Variants in FARS2 observed in about 807,000 individuals in gnomAD.
FARS2 encodes phenylalanyl-tRNA synthetase 2, mitochondrial, also known as phenylalanine--tRNA ligase, mitochondrial.
FARS2 carries 40 observed loss-of-function variants against 46.4 expected under a neutral mutation model. The observed-to-expected ratio is 0.86, with a 90% CI of 0.67 to 1.12. The LOEUF is 1.12. Among genes scored for constraint, FARS2 ranks in the 50% most tolerant of loss-of-function variants. The pLI is 0.00. For synonymous variants in FARS2, 234 were observed against 214.9 expected, an observed-to-expected ratio of 1.09 and a Z score of -0.78; for missense variants, 513 against 567.9, an observed-to-expected ratio of 0.90 and a Z score of 0.98.
intron 4 of FARS2, among the ~76,000 whole-genome samples, chr6:5,432,327 A>AATAT (rs71530360): frequency 8.9e-4 from 54 of 61,006 alleles, no homozygotes; most frequent in East Asian, 1.3e-3. Context: ...AAAAAAAAAA[A>AATAT]ATATATATAT....
chr6:5,512,875 A>C (rs376861177), intron 4 of FARS2, among the ~76,000 whole-genome samples: 3 of 152,374 alleles, frequency 2.0e-5, no homozygotes, highest in African/African-American at 7.2e-5. Flanking sequence ...TTATGGCAGA[A>C]GCACAGGTCT....
intron 1 of FARS2, among the ~76,000 whole-genome samples, chr6:5,273,351 A>G (rs1290078694): frequency 2.0e-5 from 3 of 152,136 alleles, no homozygotes; most frequent in African/African-American, 7.2e-5. Flanking sequence ...TTTTGATAAA[A>G]GCCATTTTAA....
intron 4 of FARS2, among the ~76,000 whole-genome samples, chr6:5,511,871 TGTTA>T (rs1768476793): frequency 6.6e-6 from 1 of 152,232 alleles, no homozygotes; most frequent in Admixed American, 6.5e-5. Context: ...TTCAGGAGTC[TGTTA>T]GAGGATACAA....
chr6:5,351,189 A>ATTAT lies in FARS2; in HGVS notation c.-21-17358_-21-17355dup, dbSNP rs1257741905. Among the ~76,000 whole-genome samples the ATTAT allele has an allele frequency of 2.0e-5, 3 of 152,190 alleles. No homozygotes were observed. The East Asian group carries it at 5.8e-4, about 29-fold the overall frequency. On this transcript the variant is annotated intron_variant, in intron 1 of 6. Coordinates refer to ENST00000274680, the MANE Select transcript of FARS2 (RefSeq NM_006567.5). ...AGCCTGTGAACTGGAGCATAGGGCC[A>ATTAT]TTATTTGTTCATCTTCAGATACCAG...
chr6:5,378,817 A>G (rs140991674), intron 2 of FARS2, among the ~76,000 whole-genome samples: 2 of 152,324 alleles, frequency 1.3e-5, no homozygotes, highest in East Asian at 1.9e-4. Context: ...CTCTGTTCAC[A>G]TGTTTACGTA....
rs974938098 is a variant in FARS2, at chr6:5,765,979, T to C, written c.1218-5312T>C. On this transcript the variant is annotated intron_variant, in intron 6 of 6. Transcript: ENST00000274680. The surrounding 1 kb of genome is among the most constrained non-coding windows in gnomAD (Gnocchi z 4.0). ...AAAATCTTTAAAAAAAATCAAACTCTATCCAGTGACCAACTCATTTTAGCC... is the reference window on the plus strand; with the variant it reads ...AAAATCTTTAAAAAAAATCAAACTCCATCCAGTGACCAACTCATTTTAGCC... Among the ~76,000 whole-genome samples the C allele has an allele frequency of 2.6e-5, 4 of 152,198 alleles. No individual in the cohort carries two copies. The highest frequency in any genetic ancestry group is 9.7e-5 in the African/African-American group (4 of 41,448).
At chr6:5,269,585 C>T (rs905757297) in intron 1 of FARS2, among the ~76,000 whole-genome samples, 4 of 151,692 alleles carry the variant, frequency 2.6e-5, no homozygotes, top group Non-Finnish European at 4.4e-5. Flanking sequence ...TTGACTTCTT[C>T]GAATGAGTGT....
At chr6:5,404,729 C>A in intron 3 of FARS2, 28 bp downstream of exon 3, 4 of 1,453,092 alleles carry the variant, frequency 2.8e-6, no homozygotes, top group Non-Finnish European at 2.8e-6. Flanking sequence ...GGTTGACGAT[C>A]TCTTATCTGA....
chr6:5,344,571 T>C (rs1428766172), intron 1 of FARS2, among the ~76,000 whole-genome samples: 1 of 152,150 alleles, frequency 6.6e-6, no homozygotes, highest in Non-Finnish European at 1.5e-5. Context: ...TTTGTGTGTA[T>C]GAAAGGACAC....
chr6:5,654,800 C>T (rs1777532933), intron 6 of FARS2, among the ~76,000 whole-genome samples: 1 of 152,134 alleles, frequency 6.6e-6, no homozygotes, highest in African/African-American at 2.4e-5. Flanking sequence ...TTTTCTTCCG[C>T]CTCTGCCACC....
In FARS2 at chr6:5,400,234, T is replaced by C. The variant is rs141433920; in HGVS notation, c.613-4308T>C. ...CTCTTTAAGTTTGAATTCCTTTTCA[T>C]GTGTTCAGGGGTCATTTTCATATCT... is the stretch of plus-strand genomic sequence containing the variant. On this transcript the variant is annotated intron_variant, in intron 2 of 6. Transcript: ENST00000274680. 5.5e-3 allele frequency among the ~76,000 whole-genome samples: 833 copies of C among 152,304 alleles called. 6 individuals are homozygous for C. The highest frequency in any genetic ancestry group is 0.019 in the African/African-American group (785 of 41,584).
intron 1 of FARS2, among the ~76,000 whole-genome samples, chr6:5,342,748 G>A (rs1771745906): frequency 6.7e-6 from 1 of 148,700 alleles, no homozygotes; most frequent in African/African-American, 2.5e-5. Flanking sequence ...GCGAGACTCT[G>A]TCTAAGAAAA....
At chr6:5,319,022 T>C (rs1769774031) in intron 1 of FARS2, among the ~76,000 whole-genome samples, 1 of 151,988 alleles carries the variant, frequency 6.6e-6, no homozygotes, top group Admixed American at 6.6e-5. Context: ...GGTTCTTCCT[T>C]ATGGTTGGGA....
At position 5,707,046 on chromosome 6, in the gene FARS2, T is replaced by TTG. The variant is rs199503286; in HGVS notation, c.1218-64244_1218-64243dup. Among the ~76,000 whole-genome samples, 389 of 152,346 alleles carry TTG rather than the reference T, an allele frequency of 2.6e-3. 7 individuals carry two copies. In the East Asian group the frequency reaches 0.045, roughly 18 times the overall value. On this transcript the variant is annotated intron_variant, in intron 6 of 6. Transcript: ENST00000274680. ...CGATCAGCACAGAACCTGTAAGCAC[T>TTG]TGCTTGCTCTCACTCACTTCTATTC...
At chr6:5,720,520 A>G (rs976420223) in intron 6 of FARS2, among the ~76,000 whole-genome samples, 3 of 152,244 alleles carry the variant, frequency 2.0e-5, no homozygotes, top group African/African-American at 7.2e-5. Flanking sequence ...TACAATATTC[A>G]TTCAGCATTT....
At chr6:5,705,549 C>T (rs552264760) in intron 6 of FARS2, among the ~76,000 whole-genome samples, 1 of 152,278 alleles carries the variant, frequency 6.6e-6, no homozygotes, top group South Asian at 2.1e-4. Context: ...CAGCCAGCCC[C>T]CTCGATGGCA....
At chr6:5,250,027 T>C in the FARS2 span, among the ~76,000 whole-genome samples, 4 of 152,134 alleles carry the variant, frequency 2.6e-5, no homozygotes, top group African/African-American at 9.7e-5. Context: ...TACAAAAGAG[T>C]ATTATCCTAC....
At chr6:5,322,240 A>G (rs1770030525) in intron 1 of FARS2, among the ~76,000 whole-genome samples, 1 of 152,248 alleles carries the variant, frequency 6.6e-6, no homozygotes, top group African/African-American at 2.4e-5. Flanking sequence ...TTGACTTAAT[A>G]TTAGGTAGCC....
chr6:5,260,202 G>A (rs568166060), upstream of FARS2, among the ~76,000 whole-genome samples: 13 of 152,168 alleles, frequency 8.5e-5, no homozygotes, highest in Non-Finnish European at 1.8e-4. Flanking sequence ...TTTTAGGGAG[G>A]TGCTAGAGTG....
Sources: allele counts gnomAD v4.1 joint callset (sites outside exome capture counted in the v4.1 genomes callset), GRCh38; gene constraint gnomAD v4.1.1; non-coding constraint Gnocchi (gnomAD v3.1); transcripts MANE v1.5; gene names NCBI Gene and HGNC (gene_info 2026-07-23, HGNC 2026-07-21).